Variants in GABRB1 observed in about 807,000 individuals in gnomAD.
The protein encoded by GABRB1 is gamma-aminobutyric acid type A receptor subunit beta1, also known as gamma-aminobutyric acid receptor subunit beta-1.
Under a neutral mutation model 51.6 loss-of-function variants are expected in GABRB1, and 17 were observed. The ratio of observed to expected loss-of-function variants is 0.33; its 90% CI spans 0.23 to 0.49. The LOEUF (loss-of-function observed/expected upper bound fraction) is 0.49. Among genes scored for constraint, GABRB1 ranks in the 20% least tolerant of loss-of-function variants. The pLI, the probability that GABRB1 is intolerant of heterozygous loss-of-function variation, is 0.99. For synonymous variants in GABRB1, 247 were observed against 218.9 expected (o/e 1.13, Z -1.14); for missense variants, 410 against 600.6 (o/e 0.68, Z 3.32).
chr4:47,247,036 C>T (rs1337114217), intron 4 of GABRB1, among the ~76,000 whole-genome samples: 1 of 152,046 alleles, frequency 6.6e-6, no homozygotes, highest in Non-Finnish European at 1.5e-5. Context: ...AATTAAGTCC[C>T]AACCATTTAT....
At position 47,280,643 on chromosome 4, in the gene GABRB1, A is replaced by AT. The variant is rs532198481; in HGVS notation, c.462-39475dup. Among the ~76,000 whole-genome samples, 303 of 150,236 alleles carry AT rather than the reference A, an allele frequency of 2.0e-3. 1 individual carries two copies. Among genetic ancestry groups the AT allele is most frequent in the African/African-American group, 6.5e-3 (265 of 41,002 alleles). On this transcript the variant is annotated intron_variant, in intron 4 of 8. Coordinates refer to ENST00000295454, the MANE Select transcript of GABRB1 (RefSeq NM_000812.4). ...TCTCACCATCCCCCAACACTATTTTATTTTTTTTTATTTTAATTTTTTGAG... is the reference window on the plus strand; with the variant it reads ...TCTCACCATCCCCCAACACTATTTTATTTTTTTTTTATTTTAATTTTTTGAG...
At chr4:47,399,362 T>C (rs1442154634) in intron 5 of GABRB1, among the ~76,000 whole-genome samples, 1 of 152,244 alleles carries the variant, frequency 6.6e-6, no homozygotes, top group African/African-American at 2.4e-5. Context: ...TTTTCATTCT[T>C]AGCCTATGTT....
At chr4:47,173,100 T>C (rs1718513349) in intron 4 of GABRB1, among the ~76,000 whole-genome samples, 1 of 152,188 alleles carries the variant, frequency 6.6e-6, no homozygotes, top group African/African-American at 2.4e-5. Context: ...ATGTAAATTC[T>C]ATTTTTTAAT....
rs1720634605 is a variant in GABRB1 at position 47,218,331 on chromosome 4, T to G, written c.461+56862T>G. Among the ~76,000 whole-genome samples the G allele has an allele frequency of 4.6e-5, 7 of 151,972 alleles. No individual in the cohort carries two copies. The South Asian group carries it at 1.5e-3, about 32-fold the overall frequency. ...AGCTATCCCTTTGATATATTGATTT[T>G]ATTTCCTTTGAAAAAACACCCAATA... On this transcript the variant is annotated intron_variant, in intron 4 of 8. Coordinates refer to ENST00000295454, the MANE Select transcript of GABRB1 (RefSeq NM_000812.4).
chr4:47,347,866 G>C (rs1015016107), intron 5 of GABRB1, among the ~76,000 whole-genome samples: 1 of 152,080 alleles, frequency 6.6e-6, no homozygotes, highest in Non-Finnish European at 1.5e-5. Context: ...CAGACAACAG[G>C]GTAAAAATGT....
At position 47,306,272 on chromosome 4, in the gene GABRB1, G is replaced by C. The variant is rs371928963; in HGVS notation, c.462-13855G>C. Among the ~76,000 whole-genome samples, 5 of 120,460 alleles carry C rather than the reference G, an allele frequency of 4.2e-5. No homozygotes were observed. The Admixed American group carries it at 4.4e-4, about 11-fold the overall frequency. 79.0% of individuals were successfully genotyped at this position (120,460 alleles called of 152,430 possible). ...ACAATTGACAAGAAAAAAAAAAAAA[G>C]AAGGGAAGGGGAGGAAAAAGAAAAG... On this transcript the variant is annotated intron_variant, in intron 4 of 8. Transcript: ENST00000295454.
At chr4:47,010,523 A>C (rs1242424647) in intron 1 of GABRB1, among the ~76,000 whole-genome samples, 3 of 152,244 alleles carry the variant, frequency 2.0e-5, no homozygotes, top group African/African-American at 7.2e-5. Flanking sequence ...TAATGAAGGA[A>C]ATATTGTAAG....
At chr4:47,113,229 A>G (rs1715311855) in intron 3 of GABRB1, among the ~76,000 whole-genome samples, 1 of 151,960 alleles carries the variant, frequency 6.6e-6, no homozygotes, top group Non-Finnish European at 1.5e-5. Flanking sequence ...CTACTAAAAT[A>G]TACAAAATTA....
In GABRB1 at chr4:47,411,495, T is replaced by C. The variant is rs181808152; in HGVS notation, c.1080+4569T>C. The stretch of plus-strand genomic sequence containing the variant: ...ATTAGTGGTTGCCGGGAGTCAGTGA[T>C]AGTGAGGAAGGATGTGGGATGGGTA... On this transcript the variant is annotated intron_variant, in intron 8 of 8. Transcript: ENST00000295454. 2.4e-3 allele frequency among the ~76,000 whole-genome samples: 372 copies of C among 152,234 alleles called. 1 individual carries two copies. The highest frequency in any genetic ancestry group is 8.8e-3 in the African/African-American group (365 of 41,536).
At chr4:47,258,874 G>T (rs896478360) in intron 4 of GABRB1, among the ~76,000 whole-genome samples, 5 of 152,050 alleles carry the variant, frequency 3.3e-5, no homozygotes, top group Non-Finnish European at 7.4e-5. Flanking sequence ...TAAGCCTAGG[G>T]TTATTTTCAC....
chr4:47,416,917 G>A (rs1044572503), intron 8 of GABRB1, among the ~76,000 whole-genome samples: 1 of 152,142 alleles, frequency 6.6e-6, no homozygotes, highest in Admixed American at 6.5e-5. Context: ...AAAGAACAAG[G>A]CATGGAATAT....
At chr4:47,099,639 T>C (rs760900046) in intron 3 of GABRB1, among the ~76,000 whole-genome samples, 3 of 152,098 alleles carry the variant, frequency 2.0e-5, no homozygotes, top group Non-Finnish European at 4.4e-5. Flanking sequence ...CTTTAAATGC[T>C]AGAGAAGCAA....
chr4:47,128,117 TTAAAA>T (rs1716247875), intron 3 of GABRB1, among the ~76,000 whole-genome samples: 1 of 151,670 alleles, frequency 6.6e-6, no homozygotes, highest in Non-Finnish European at 1.5e-5. Context: ...TATAAAGATG[TTAAAA>T]TAGAATAATC....
At chr4:47,019,864 C>A (rs1300574177) in intron 1 of GABRB1, among the ~76,000 whole-genome samples, 2 of 140,954 alleles carry the variant, frequency 1.4e-5, no homozygotes, top group Non-Finnish European at 3.0e-5. Flanking sequence ...TGCCACCACC[C>A]TGGCTAATTT....
chr4:47,144,743 A>AACAGC (rs1378401597), intron 3 of GABRB1, among the ~76,000 whole-genome samples: 2 of 151,924 alleles, frequency 1.3e-5, no homozygotes, highest in Non-Finnish European at 2.9e-5. Flanking sequence ...TACAGTTTCT[A>AACAGC]ACAGCACAGC....
At position 47,105,188 on chromosome 4, in the gene GABRB1, T is replaced by A. The variant is rs576978205; in HGVS notation, c.241-56061T>A. Among the ~76,000 whole-genome samples the A allele has an allele frequency of 1.3e-4, 20 of 152,230 alleles. No individual in the cohort carries two copies. The South Asian group carries it at 4.1e-3, about 32-fold the overall frequency. ...CATCATTGTCTTTATTTTTGTCTAG[T>A]CTTACCTCACATTTAGGCTGGGTGC... On this transcript the variant is annotated intron_variant, in intron 3 of 8. Coordinates refer to ENST00000295454, the MANE Select transcript of GABRB1 (RefSeq NM_000812.4).
intron 1 of GABRB1, among the ~76,000 whole-genome samples, chr4:47,013,035 T>C (rs1336541302): frequency 6.6e-6 from 1 of 152,184 alleles, no homozygotes; most frequent in Non-Finnish European, 1.5e-5. Flanking sequence ...CATTCTCCTG[T>C]TGATGGGCAT....
At chr4:47,237,672 A>T (rs896173050) in intron 4 of GABRB1, among the ~76,000 whole-genome samples, 2 of 152,032 alleles carry the variant, frequency 1.3e-5, no homozygotes, top group Non-Finnish European at 2.9e-5. Flanking sequence ...CCAATATATT[A>T]GTATATGAAT....
At chr4:47,033,238 GTAA>G (rs1560503975) in intron 3 of GABRB1, among the ~76,000 whole-genome samples, 2 of 152,214 alleles carry the variant, frequency 1.3e-5, no homozygotes, top group African/African-American at 4.8e-5. Context: ...GGGGGCGACA[GTAA>G]CACAGCACAG....
Sources: gnomAD v4.1 joint callset for allele counts (sites outside exome capture counted in the v4.1 genomes callset) on GRCh38, gnomAD v4.1.1 for gene constraint, MANE v1.5 for transcripts, NCBI Gene and HGNC (gene_info 2026-07-23, HGNC 2026-07-21) for gene names.